SLCO1B3: variants seen among roughly 807,000 people sequenced by gnomAD.
The protein encoded by SLCO1B3 is solute carrier organic anion transporter family member 1B3, also known as liver-specific organic anion transporter 2.
SLCO1B3 carries 72 observed loss-of-function variants against 71.8 expected under a neutral mutation model. The observed-to-expected ratio is 1.00, with a 90% CI of 0.83 to 1.22. The LOEUF (loss-of-function observed/expected upper bound fraction) is 1.22, where lower values mean the gene tolerates loss of function less well. Ranked by LOEUF, SLCO1B3 falls within the 50% of genes most tolerant of loss-of-function variation. The pLI is 0.00. For missense variants in SLCO1B3, 911 were observed against 819.7 expected, an observed-to-expected ratio of 1.11 and a Z score of -1.36; for synonymous variants, 298 against 278.4, an observed-to-expected ratio of 1.07 and a Z score of -0.70.
chr12:20,909,174 T>C lies in SLCO1B3; in HGVS notation c.1866-6830T>C, dbSNP rs113763398. Among the ~76,000 whole-genome samples the C allele has an allele frequency of 1.3e-5, 2 of 148,908 alleles. 1 individual carries two copies. Among genetic ancestry groups the C allele is most frequent in the African/African-American group, 4.9e-5 (2 of 40,616 alleles). ...TGTGAAGCATCTTTTTCTTTTTTTT[T>C]TTTTTTTTTGAGACAGAGTATCACT... is the stretch of plus-strand genomic sequence containing the variant. On this transcript the variant is annotated intron_variant, in intron 15 of 15. Coordinates refer to ENST00000381545, the MANE Select transcript of SLCO1B3 (RefSeq NM_019844.4).
At chr12:20,834,844 C>G (rs542299533) in intron 3 of SLCO1B3, among the ~76,000 whole-genome samples, 1 of 152,168 alleles carries the variant, frequency 6.6e-6, no homozygotes, top group Non-Finnish European at 1.5e-5. Context: ...TAGCCCTCTT[C>G]TCACAGCTCC....
At chr12:20,863,698 T>A (rs1037340662) in intron 8 of SLCO1B3, among the ~76,000 whole-genome samples, 17 of 152,128 alleles carry the variant, frequency 1.1e-4, no homozygotes, top group African/African-American at 3.6e-4. Context: ...CATTTTTATA[T>A]CCCCAAACAA....
intron 3 of SLCO1B3, among the ~76,000 whole-genome samples, chr12:20,824,410 CA>C (rs1864380615): frequency 6.6e-6 from 1 of 152,046 alleles, no homozygotes. Context: ...CTAAATTTAT[CA>C]AAAACTTATT....
At chr12:20,915,935 G>A in intron 15 of SLCO1B3, 69 bp from the exon 16 acceptor site, 1 of 1,240,824 alleles carries the variant, frequency 8.1e-7, no homozygotes, top group Non-Finnish European at 1.1e-6. Flanking sequence ...TGCATACTGG[G>A]GAGAAAAAAA....
chr12:20,832,726 G>C (rs923443990), intron 3 of SLCO1B3, among the ~76,000 whole-genome samples: 2 of 152,004 alleles, frequency 1.3e-5, no homozygotes, highest in African/African-American at 2.4e-5. Flanking sequence ...CTTCTAAAAC[G>C]TTCTTCTTCC....
intron 8 of SLCO1B3, among the ~76,000 whole-genome samples, chr12:20,866,301 C>T (rs868149293): frequency 6.6e-6 from 1 of 151,978 alleles, no homozygotes; most frequent in African/African-American, 2.4e-5. Context: ...AAACAAAAAC[C>T]CACACACAGA....
chr12:20,912,310 TTTATTTA>T (rs1239727399), intron 15 of SLCO1B3, among the ~76,000 whole-genome samples: 1 of 15,154 alleles, frequency 6.6e-5, no homozygotes, highest in African/African-American at 7.2e-5. Flanking sequence ...TTTTTATTTA[TTTATTTA>T]TTTATTTATT....
At chr12:20,868,741 T>C (rs1306704214) in intron 8 of SLCO1B3, among the ~76,000 whole-genome samples, 1 of 152,060 alleles carries the variant, frequency 6.6e-6, no homozygotes, top group African/African-American at 2.4e-5. Flanking sequence ...CCCGAATGTC[T>C]GGCTGTGCTG....
chr12:20,854,192 G>A (rs112660486), intron 3 of SLCO1B3, among the ~76,000 whole-genome samples: 190 of 152,218 alleles, frequency 1.2e-3, no homozygotes, highest in African/African-American at 4.4e-3. Flanking sequence ...ATTTGATAGA[G>A]AGTGCTCTAT....
At chr12:20,887,608 G>A (rs187246843) in intron 13 of SLCO1B3, among the ~76,000 whole-genome samples, 37 of 151,254 alleles carry the variant, frequency 2.4e-4, no homozygotes, top group African/African-American at 8.5e-4. Context: ...TGTAGATTCT[G>A]GATATTAGCC....
chr12:20,853,807 G>C (rs1865071597), intron 3 of SLCO1B3, among the ~76,000 whole-genome samples: 1 of 151,666 alleles, frequency 6.6e-6, no homozygotes, highest in South Asian at 2.1e-4. Flanking sequence ...GATGGATACA[G>C]TTATGTTATT....
chr12:20,887,500 G>C (rs1841543861), intron 13 of SLCO1B3, among the ~76,000 whole-genome samples: 1 of 151,640 alleles, frequency 6.6e-6, no homozygotes. Context: ...ATATTTATTG[G>C]CCATTTGTAT....
At chr12:20,844,991 C>G in intron 3 of SLCO1B3, 1 of 220,258 alleles carries the variant, frequency 4.5e-6, no homozygotes. Context: ...GATTGTGTCA[C>G]TGCACTCCAG....
chr12:20,901,751 T>C (rs1866138112), intron 15 of SLCO1B3: 1 of 313,536 alleles, frequency 3.2e-6, no homozygotes, highest in African/African-American at 2.3e-5. Context: ...GAAATACAGC[T>C]AGGATTTGTA....
intron 3 of SLCO1B3, among the ~76,000 whole-genome samples, chr12:20,816,255 A>G (rs1287598304): frequency 6.6e-6 from 1 of 152,182 alleles, no homozygotes; most frequent in Non-Finnish European, 1.5e-5. Flanking sequence ...GTAATTGACT[A>G]TAGTCACCCT....
chr12:20,855,514 A>T lies in SLCO1B3; in HGVS notation c.226+345A>T, dbSNP rs993673150. Among the ~76,000 whole-genome samples the T allele has an allele frequency of 2.6e-5, 4 of 152,140 alleles. 1 individual carries two copies. The highest frequency in any genetic ancestry group is 5.9e-5 in the Non-Finnish European group (4 of 68,022). Reference sequence around the variant, plus strand: ...GCAAATTAACTTTTTAGGAAACTTTATCTCCCTTGTCTCAAGGTGCCCCAG... The same window carrying T: ...GCAAATTAACTTTTTAGGAAACTTTTTCTCCCTTGTCTCAAGGTGCCCCAG... On this transcript the variant is annotated intron_variant, in intron 4 of 15. Transcript: ENST00000381545.
intron 13 of SLCO1B3, among the ~76,000 whole-genome samples, chr12:20,889,656 C>T: frequency 6.6e-6 from 1 of 152,046 alleles, no homozygotes; most frequent in East Asian, 1.9e-4. Flanking sequence ...CTTTTTATTT[C>T]ACTGATCCTT....
intron 2 of SLCO1B3, among the ~76,000 whole-genome samples, chr12:20,815,428 T>C (rs1864175657): frequency 6.6e-6 from 1 of 152,214 alleles, no homozygotes; most frequent in African/African-American, 2.4e-5. Flanking sequence ...TATTATTTAC[T>C]TGTTTCAAAT....
chr12:20,856,111 T>C (rs183098103), intron 4 of SLCO1B3, among the ~76,000 whole-genome samples: 18 of 152,348 alleles, frequency 1.2e-4, no homozygotes, highest in Admixed American at 1.1e-3. Context: ...TGAAATCATC[T>C]AGAATTTTAG....
Sources: gnomAD v4.1 joint callset for allele counts (sites outside exome capture counted in the v4.1 genomes callset) on GRCh38, gnomAD v4.1.1 for gene constraint, MANE v1.5 for transcripts, NCBI Gene and HGNC (gene_info 2026-07-23, HGNC 2026-07-21) for gene names.